RGS5: variants seen among roughly 807,000 people sequenced by gnomAD.
RGS5 encodes regulator of G protein signaling 5.
A neutral mutation model predicts 18.9 loss-of-function variants in RGS5; 20 were observed. The observed-to-expected ratio is 1.06, with a 90% CI of 0.74 to 1.54. RGS5 has a LOEUF of 1.54. Among genes scored for constraint, RGS5 ranks in the 40% most tolerant of loss-of-function variants. The pLI is 0.00. For synonymous variants in RGS5, 57 were observed against 76.2 expected (o/e 0.75, Z 1.31); for missense variants, 201 against 211.8 (o/e 0.95, Z 0.32).
chr1:163,190,339 A>C lies in RGS5; in HGVS notation c.44+12453T>G, dbSNP rs139752169. 7.9e-5 allele frequency among the ~76,000 whole-genome samples: 12 copies of C among 152,292 alleles called. No individual in the cohort carries two copies. The East Asian group carries it at 2.3e-3, about 29-fold the overall frequency. On this transcript the variant is annotated intron_variant, in intron 1 of 4. Transcript: ENST00000313961. ...TTAGCTTGCTATTGGACATTAATTTAAACTACCTTTATAACTGAAGGACAT... is the reference window on the plus strand; with the variant it reads ...TTAGCTTGCTATTGGACATTAATTTCAACTACCTTTATAACTGAAGGACAT...
intron 2 of RGS5, among the ~76,000 whole-genome samples, chr1:163,277,717 C>A (rs1648892174): frequency 6.6e-6 from 1 of 152,086 alleles, no homozygotes; most frequent in Non-Finnish European, 1.5e-5. Context: ...GGTGCCATCC[C>A]TCTTTGAATC....
intron 1 of RGS5, among the ~76,000 whole-genome samples, chr1:163,309,644 C>G (rs1344682123): frequency 6.6e-6 from 1 of 152,070 alleles, no homozygotes; most frequent in Non-Finnish European, 1.5e-5. Flanking sequence ...GCTTCCTCCA[C>G]TAAAGTCATG....
chr1:163,205,345 T>TAAAAAAAAAAAAAAAAAAAA, upstream of RGS5, among the ~76,000 whole-genome samples: 1 of 72,740 alleles, frequency 1.4e-5, no homozygotes, highest in Non-Finnish European at 2.6e-5. Context: ...TTAACCACAG[T>TAAAAAAAAAAAAAAAAAAAA]AAAAAAAAAA....
At chr1:163,253,439 G>A (rs1309165535) in intron 2 of RGS5, among the ~76,000 whole-genome samples, 3 of 148,648 alleles carry the variant, frequency 2.0e-5, no homozygotes, top group Non-Finnish European at 4.5e-5. Context: ...CTCCCATGTA[G>A]TTGGGATTAC....
chr1:163,172,252 C>T (rs146333031), intron 1 of RGS5, among the ~76,000 whole-genome samples: 20 of 152,276 alleles, frequency 1.3e-4, no homozygotes, highest in African/African-American at 4.1e-4. Context: ...TATTGAAAAG[C>T]GCCTTTCAAA....
intron 1 of RGS5, among the ~76,000 whole-genome samples, chr1:163,191,316 T>C (rs1659341548): frequency 6.6e-6 from 1 of 151,630 alleles, no homozygotes; most frequent in East Asian, 1.9e-4. Flanking sequence ...GCTTATGAAG[T>C]GTCAGATGCA....
intron 2 of RGS5, among the ~76,000 whole-genome samples, chr1:163,289,586 C>T (rs896236043): frequency 6.6e-6 from 1 of 152,068 alleles, no homozygotes; most frequent in Non-Finnish European, 1.5e-5. Flanking sequence ...GTGATATTGA[C>T]TATGACCCAA....
Position 163,146,373 on chromosome 1 carries a change from A to G in RGS5, c.*969T>C, listed in dbSNP as rs1389700963. On this transcript the variant is annotated 3_prime_UTR_variant, in exon 5 of 5. Transcript: ENST00000313961. The stretch of plus-strand genomic sequence containing the variant: ...AGATAAATGTCATTAGTCTATGATA[A>G]TAGCATCATAGGACAATTAGCCATT... 6.6e-6 allele frequency: 1 copy of G among 152,152 alleles called. No homozygotes were observed. The highest frequency in any genetic ancestry group is 6.5e-5 in the Admixed American group (1 of 15,278). The allele number at this position is 152,152 out of a possible 1,614,324, so 9.4% of individuals were successfully genotyped here.
chr1:163,250,633 C>G (rs1648083833), intron 2 of RGS5, among the ~76,000 whole-genome samples: 1 of 152,114 alleles, frequency 6.6e-6, no homozygotes, highest in African/African-American at 2.4e-5. Context: ...AGAGGAAATG[C>G]CTTTTACTGC....
intron 2 of RGS5, among the ~76,000 whole-genome samples, chr1:163,272,154 GTTTTAA>G (rs1171176606): frequency 1.3e-5 from 2 of 151,564 alleles, no homozygotes; most frequent in African/African-American, 4.8e-5. Flanking sequence ...TCTTGGTGTG[GTTTTAA>G]TTTTATTTTC....
chr1:163,311,408 C>A (rs749465807), intron 1 of RGS5, among the ~76,000 whole-genome samples: 6 of 152,212 alleles, frequency 3.9e-5, no homozygotes, highest in Non-Finnish European at 8.8e-5. Context: ...TTTGCATTCA[C>A]AAATTGGCTG....
intron 2 of RGS5, among the ~76,000 whole-genome samples, chr1:163,295,242 C>T (rs1245620189): frequency 6.6e-6 from 1 of 152,226 alleles, no homozygotes; most frequent in Non-Finnish European, 1.5e-5. Flanking sequence ...TGTTCTCACA[C>T]TGCTAATAAA....
chr1:163,256,476 A>T (rs1571322895), intron 2 of RGS5, among the ~76,000 whole-genome samples: 1 of 152,184 alleles, frequency 6.6e-6, no homozygotes, highest in Non-Finnish European at 1.5e-5. Flanking sequence ...AGGAGGAAGA[A>T]GCTGATGAAT....
intron 2 of RGS5, among the ~76,000 whole-genome samples, chr1:163,233,873 A>G (rs557356955): frequency 6.6e-6 from 1 of 152,324 alleles, no homozygotes; most frequent in South Asian, 2.1e-4. Context: ...TCAGTTGATC[A>G]GTTAGGGTGG....
At chr1:163,242,871 C>A (rs1302030888) in intron 2 of RGS5, among the ~76,000 whole-genome samples, 2 of 152,172 alleles carry the variant, frequency 1.3e-5, no homozygotes, top group Non-Finnish European at 2.9e-5. Flanking sequence ...AATAAAGTTA[C>A]TTCTGCAAAG....
intron 2 of RGS5, among the ~76,000 whole-genome samples, chr1:163,261,839 T>TTATTTTATTA (rs1265797833): frequency 3.9e-5 from 6 of 152,180 alleles, no homozygotes; most frequent in African/African-American, 1.4e-4. Flanking sequence ...TTTCAAAATG[T>TTATTTTATTA]TATTTTATTA....
At chr1:163,177,694 G>A (rs1048292469) in intron 1 of RGS5, among the ~76,000 whole-genome samples, 9 of 152,000 alleles carry the variant, frequency 5.9e-5, no homozygotes, top group African/African-American at 2.2e-4. Context: ...CCCTCTCCAC[G>A]GCAAACACGC....
chr1:163,161,872 C>A, intron 3 of RGS5, 43 bp downstream of exon 3: 1 of 1,499,956 alleles, frequency 6.7e-7, no homozygotes, highest in African/African-American at 1.4e-5. Context: ...GTTTCTGTCT[C>A]TAACCTGACC....
intron 1 of RGS5, among the ~76,000 whole-genome samples, chr1:163,318,517 A>G (rs1557941686): frequency 6.6e-6 from 1 of 152,182 alleles, no homozygotes; most frequent in Non-Finnish European, 1.5e-5. Context: ...GAGCCTCCCG[A>G]AAGTCGGAAC....
Sources: gnomAD v4.1 joint callset for allele counts (sites outside exome capture counted in the v4.1 genomes callset) on GRCh38, gnomAD v4.1.1 for gene constraint, MANE v1.5 for transcripts, NCBI Gene and HGNC (gene_info 2026-07-23, HGNC 2026-07-21) for gene names.